The following HIVEP3 variants were observed in gnomAD, a reference collection of about 807,000 sequenced individuals.
The protein encoded by HIVEP3 is HIVEP zinc finger 3, also known as transcription factor HIVEP3.
HIVEP3 carries 49 observed loss-of-function variants against 152.8 expected under a neutral mutation model. The observed-to-expected ratio is 0.32, with a 90% confidence interval of 0.26 to 0.41. HIVEP3 has a LOEUF of 0.41. Ranked by LOEUF, HIVEP3 falls within the 10% of genes least tolerant of loss-of-function variation. The probability of loss-of-function intolerance (pLI) is 1.00; values close to 1 mark genes in which losing one functional copy is unlikely to be tolerated. For missense variants in HIVEP3, 2,790 were observed against 3,103.3 expected (o/e 0.90, Z 2.40); for synonymous variants, 1,269 against 1,289.0 (o/e 0.98, Z 0.33).
chr1:41,713,196 C>T (rs1165565665), intron 1 of HIVEP3, among the ~76,000 whole-genome samples: 1 of 152,186 alleles, frequency 6.6e-6, no homozygotes, highest in Non-Finnish European at 1.5e-5. Context: ...TCCTCCCACC[C>T]CCGATCTGCG....
At chr1:41,632,554 G>C (rs1366760566) in intron 2 of HIVEP3, among the ~76,000 whole-genome samples, 2 of 152,034 alleles carry the variant, frequency 1.3e-5, no homozygotes, top group Non-Finnish European at 2.9e-5. Context: ...TCAAGAGATC[G>C]AGACCATCCT....
chr1:41,606,778 A>G (rs1644828739), intron 3 of HIVEP3, among the ~76,000 whole-genome samples: 1 of 151,742 alleles, frequency 6.6e-6, no homozygotes, highest in Admixed American at 6.6e-5. Context: ...TATCCTCCAG[A>G]ATTGTGAAAG....
chr1:41,703,053 T>C (rs1332235450), intron 1 of HIVEP3, among the ~76,000 whole-genome samples: 1 of 152,136 alleles, frequency 6.6e-6, no homozygotes, highest in East Asian at 1.9e-4. Context: ...CCTCATTTAG[T>C]CTCCACGAAA....
intron 2 of HIVEP3, among the ~76,000 whole-genome samples, chr1:41,650,567 T>TGG (rs1570223216): frequency 8.8e-5 from 13 of 147,226 alleles, no homozygotes; most frequent in Admixed American, 6.1e-4. Context: ...TTCTGGGTTT[T>TGG]TTTTTTTTTT....
At chr1:41,655,582 C>CAAAAAAAA (rs55918119) in intron 2 of HIVEP3, among the ~76,000 whole-genome samples, 3 of 57,428 alleles carry the variant, frequency 5.2e-5, no homozygotes, top group African/African-American at 1.4e-4. Flanking sequence ...CACTCCATCT[C>CAAAAAAAA]AAAAAAAAAA....
chr1:41,515,503 C>A (rs760934909), intron 7 of HIVEP3, among the ~76,000 whole-genome samples: 26 of 151,490 alleles, frequency 1.7e-4, no homozygotes, highest in Non-Finnish European at 3.2e-4. Flanking sequence ...TTGCCTAGGA[C>A]TTTGGGAGGG....
rs542104755 is a variant in HIVEP3, at chr1:41,870,717, C to A, written c.-801+47696G>T. Among the ~76,000 whole-genome samples the A allele has an allele frequency of 7.9e-5, 12 of 152,258 alleles. No individual in the cohort carries two copies. In the East Asian group the frequency reaches 1.9e-3, roughly 24 times the overall value. On this transcript the variant is annotated intron_variant, in intron 1 of 8. Coordinates refer to ENST00000372583, the MANE Select transcript of HIVEP3 (RefSeq NM_024503.5). ...TAAGTGAAAACAATAAGATGTAAGACAACAGGAAGAAAGTTACTCTCCCTG... is the reference window on the plus strand; with the variant it reads ...TAAGTGAAAACAATAAGATGTAAGAAAACAGGAAGAAAGTTACTCTCCCTG...
Position 41,856,994 on chromosome 1 carries a change from T to C in HIVEP3, c.-801+61419A>G, listed in dbSNP as rs181711826. On this transcript the variant is annotated intron_variant, in intron 1 of 8. Transcript: ENST00000372583. ...GGGAGTCTGCTTTTCTGCTCCCAAA[T>C]CCTCAAAAAGCATTGCCAGGTTCTC... 1.2e-3 allele frequency among the ~76,000 whole-genome samples: 176 copies of C among 152,212 alleles called. 4 individuals are homozygous for C. Among genetic ancestry groups the C allele is most frequent in the Admixed American group, 0.01 (157 of 15,302 alleles).
chr1:41,703,632 A>T (rs1558193689), intron 1 of HIVEP3, among the ~76,000 whole-genome samples: 1 of 152,216 alleles, frequency 6.6e-6, no homozygotes, highest in Non-Finnish European at 1.5e-5. Context: ...TGTAATTATT[A>T]TTTGTATTAT....
At position 41,582,113 on chromosome 1, in the gene HIVEP3, C is replaced by T. The variant is rs1644420371; in HGVS notation, c.2685G>A (p.Gln895=). The T allele has an allele frequency of 1.2e-6, 2 of 1,614,114 alleles. No homozygotes were observed. The highest frequency in any genetic ancestry group is 1.7e-5 in the Admixed American group (1 of 60,014). Residue 895 remains glutamine, a synonymous_variant, in exon 4 of 9, where the codon CAG becomes CAA. Coordinates refer to ENST00000372583, the MANE Select transcript of HIVEP3 (RefSeq NM_024503.5). This position sits in a 1 kb window ranked among gnomAD's most constrained non-coding sequence, Gnocchi z 4.7. ...QWPQRSQTLA[Q]LPAEKLPPKK... Reference sequence around the variant, plus strand: ...TGGGTGGCAGCTTCTCAGCTGGGAGCTGGGCAAGTGTCTGGCTGCGCTGGG... The same window carrying T: ...TGGGTGGCAGCTTCTCAGCTGGGAGTTGGGCAAGTGTCTGGCTGCGCTGGG...
chr1:41,602,373 T>G (rs1467372588), intron 3 of HIVEP3, among the ~76,000 whole-genome samples: 1 of 152,304 alleles, frequency 6.6e-6, no homozygotes, highest in East Asian at 1.9e-4. Flanking sequence ...AGCTATCTGG[T>G]CCTGGGCTTT....
chr1:42,001,675 C>A (rs990878171), intron 1 of HIVEP3, among the ~76,000 whole-genome samples: 1 of 152,230 alleles, frequency 6.6e-6, no homozygotes, highest in African/African-American at 2.4e-5. Context: ...TCATCACACA[C>A]TTAAGCTGAG....
Position 41,583,897 on chromosome 1 carries a change from T to G in HIVEP3, c.901A>C (p.Arg301=), listed in dbSNP as rs780642957. 3.7e-6 allele frequency: 6 copies of G among 1,613,980 alleles called. No individual in the cohort carries two copies. The highest frequency in any genetic ancestry group is 5.1e-6 in the Non-Finnish European group (6 of 1,179,996). The change falls in exon 4 of 9, where the codon AGA becomes CGA. Residue 301 remains arginine, a synonymous_variant. Transcript: ENST00000372583. This position sits in a 1 kb window ranked among gnomAD's most constrained non-coding sequence, Gnocchi z 6.9. The stretch of plus-strand genomic sequence containing the variant: ...CTGGAGAGAAGGGGCTGCTTGGGTC[T>G]TGGGGAGAGCTCTGCAGGGTGACCA... The part of the protein sequence containing the change: ...TSGHPAELSP[R]PKQPLLSSGL...
chr1:41,947,812 T>C (rs1156953656), intron 1 of HIVEP3, among the ~76,000 whole-genome samples: 1 of 152,244 alleles, frequency 6.6e-6, no homozygotes, highest in Non-Finnish European at 1.5e-5. Flanking sequence ...TGGGTAGTGA[T>C]GGCAGTAGCA....
At chr1:41,781,177 C>T (rs1649018076) in intron 1 of HIVEP3, among the ~76,000 whole-genome samples, 1 of 152,180 alleles carries the variant, frequency 6.6e-6, no homozygotes, top group Non-Finnish European at 1.5e-5. Flanking sequence ...AGCTTGTCTT[C>T]CCTTTTGAGT....
intron 1 of HIVEP3, among the ~76,000 whole-genome samples, chr1:41,924,662 C>T (rs142125881): frequency 2.7e-4 from 38 of 142,760 alleles, no homozygotes; most frequent in East Asian, 2.6e-3. Flanking sequence ...GGGTTGTTGA[C>T]GATAAAGTGA....
At chr1:41,657,055 T>G (rs1370353625) in intron 2 of HIVEP3, among the ~76,000 whole-genome samples, 1 of 152,206 alleles carries the variant, frequency 6.6e-6, no homozygotes, top group Non-Finnish European at 1.5e-5. Flanking sequence ...GTAGATTTGC[T>G]CAACTCTGAG....
At chr1:41,561,040 C>T (rs913890922) in intron 5 of HIVEP3, among the ~76,000 whole-genome samples, 1 of 152,196 alleles carries the variant, frequency 6.6e-6, no homozygotes, top group African/African-American at 2.4e-5. Flanking sequence ...AGCTCCCTCA[C>T]CCAGGCCTTT....
chr1:41,648,239 A>G (rs114840161), intron 2 of HIVEP3, among the ~76,000 whole-genome samples: 2,495 of 152,282 alleles, frequency 0.016, 31 homozygotes, highest in Non-Finnish European at 0.022. Flanking sequence ...TTAATTTCTC[A>G]TGTCTTTCAT....
Sources: allele counts gnomAD v4.1 joint callset (sites outside exome capture counted in the v4.1 genomes callset), GRCh38; gene constraint gnomAD v4.1.1; non-coding constraint Gnocchi (gnomAD v3.1); transcripts MANE v1.5; gene names NCBI Gene and HGNC (gene_info 2026-07-23, HGNC 2026-07-21).